Variants in SMAD3 observed in about 807,000 individuals in gnomAD.
SMAD3 encodes the protein MAD homolog 3.
SMAD3 carries 12 observed loss-of-function variants against 51.8 expected under a neutral mutation model. The observed-to-expected ratio is 0.23, with a 90% CI of 0.15 to 0.38. The LOEUF (loss-of-function observed/expected upper bound fraction) is 0.38, where lower values mean the gene tolerates loss of function less well. Among genes scored for constraint, SMAD3 ranks in the 10% least tolerant of loss-of-function variants. The probability of loss-of-function intolerance (pLI) is 1.00; values close to 1 mark genes in which losing one functional copy is unlikely to be tolerated. For missense variants in SMAD3, 294 were observed against 565.6 expected (o/e 0.52, Z 4.87); for synonymous variants, 238 against 227.7 (o/e 1.05, Z -0.41).
intron 1 of SMAD3, among the ~76,000 whole-genome samples, chr15:67,117,776 A>C (rs1784105027): frequency 6.6e-6 from 1 of 152,242 alleles, no homozygotes; most frequent in Non-Finnish European, 1.5e-5. Flanking sequence ...TGTAATGAGA[A>C]TGTACAGAAC....
At chr15:67,144,344 T>C (rs1221326754) in intron 1 of SMAD3, among the ~76,000 whole-genome samples, 1 of 152,204 alleles carries the variant, frequency 6.6e-6, no homozygotes, top group Non-Finnish European at 1.5e-5. Context: ...CTTTTTGTGG[T>C]TGGGTGATAT....
intron 1 of SMAD3, among the ~76,000 whole-genome samples, chr15:67,104,553 A>G (rs985157507): frequency 2.0e-5 from 3 of 152,148 alleles, no homozygotes; most frequent in Middle Eastern, 3.2e-3. Flanking sequence ...TAAGTGATAA[A>G]TATTCGTACT....
At chr15:67,096,292 T>C (rs752679332) in intron 1 of SMAD3, among the ~76,000 whole-genome samples, 4 of 152,208 alleles carry the variant, frequency 2.6e-5, no homozygotes, top group Non-Finnish European at 5.9e-5. Context: ...AAGAGTGAGG[T>C]AGAATGGACA....
At position 67,103,631 on chromosome 15, in the gene SMAD3, G is replaced by C. The variant is rs974010757; in HGVS notation, c.206+37271G>C. On this transcript the variant is annotated intron_variant, in intron 1 of 8. Coordinates refer to ENST00000327367, the MANE Select transcript of SMAD3 (RefSeq NM_005902.4). ...CTCAGCCCAGCTACCCTTTCCAGCT[G>C]TGACTGCTGGTTGTGGAGCTGAATG... Among the ~76,000 whole-genome samples the C allele has an allele frequency of 3.9e-5, 6 of 152,310 alleles. No individual in the cohort carries two copies. The South Asian group carries it at 8.3e-4, about 21-fold the overall frequency.
intron 1 of SMAD3, among the ~76,000 whole-genome samples, chr15:67,086,120 A>G (rs1343918202): frequency 6.6e-6 from 1 of 152,052 alleles, no homozygotes; most frequent in Non-Finnish European, 1.5e-5. Context: ...GTGGAGCTGG[A>G]ATGGATTAAA....
At chr15:67,092,698 C>T (rs1000305630) in intron 1 of SMAD3, among the ~76,000 whole-genome samples, 2 of 152,168 alleles carry the variant, frequency 1.3e-5, no homozygotes, top group African/African-American at 2.4e-5. Flanking sequence ...TGTGGTGTAG[C>T]GGAAAAGGCA....
At chr15:67,098,930 C>G (rs1960684428) in intron 1 of SMAD3, 2 of 702,374 alleles carry the variant, frequency 2.8e-6, no homozygotes, top group Non-Finnish European at 5.2e-6. Context: ...TCAGGCAGCC[C>G]ATGGAGATGG....
intron 1 of SMAD3, among the ~76,000 whole-genome samples, chr15:67,099,765 A>G (rs1006650392): frequency 1.8e-4 from 28 of 152,196 alleles, no homozygotes; most frequent in African/African-American, 6.5e-4. Context: ...CGTGCCCCAT[A>G]CCTTACATAG....
intron 4 of SMAD3, 23 bp downstream of exon 4, chr15:67,166,876 C>G: frequency 1.3e-6 from 2 of 1,558,558 alleles, no homozygotes; most frequent in Middle Eastern, 1.7e-4. Flanking sequence ...GGGTCATGCT[C>G]TTATTCTTAA....
chr15:67,187,797 G>A (rs1029015144), intron 8 of SMAD3, among the ~76,000 whole-genome samples: 5 of 152,204 alleles, frequency 3.3e-5, no homozygotes, highest in Admixed American at 6.5e-5. Flanking sequence ...AGCATCATCC[G>A]TACAGATGAG....
At chr15:67,121,226 A>T (rs7180412) in intron 1 of SMAD3, among the ~76,000 whole-genome samples, 1 of 152,186 alleles carries the variant, frequency 6.6e-6, no homozygotes, top group Non-Finnish European at 1.5e-5. Context: ...CGTGGAGCCC[A>T]GTGGGGATTT....
At chr15:67,094,915 A>G (rs1315169728) in intron 1 of SMAD3, among the ~76,000 whole-genome samples, 3 of 152,208 alleles carry the variant, frequency 2.0e-5, no homozygotes, top group Admixed American at 6.5e-5. Context: ...GTGGATGTGG[A>G]TAAGTCCAGA....
intron 1 of SMAD3, among the ~76,000 whole-genome samples, chr15:67,108,860 A>AG (rs762457632): frequency 6.6e-6 from 1 of 151,682 alleles, no homozygotes; most frequent in Non-Finnish European, 1.5e-5. Context: ...TCATTTGGAA[A>AG]GAAAAAAAAA....
chr15:67,145,811 T>G (rs1424879051), intron 1 of SMAD3, among the ~76,000 whole-genome samples: 2 of 152,152 alleles, frequency 1.3e-5, no homozygotes, highest in Non-Finnish European at 2.9e-5. Context: ...AGTCCCAATT[T>G]CCAGTCTCCT....
chr15:67,068,803 G>T (rs772273805), intron 1 of SMAD3, among the ~76,000 whole-genome samples: 1 of 152,132 alleles, frequency 6.6e-6, no homozygotes, highest in Non-Finnish European at 1.5e-5. Context: ...TAAAGGCCAC[G>T]TCTTGGGGAG....
At chr15:67,155,581 C>T (rs1457365143) in intron 1 of SMAD3, among the ~76,000 whole-genome samples, 1 of 152,152 alleles carries the variant, frequency 6.6e-6, no homozygotes, top group Non-Finnish European at 1.5e-5. Context: ...TCTGCCTTCC[C>T]AGAAGGTCCG....
intron 1 of SMAD3, among the ~76,000 whole-genome samples, chr15:67,145,739 A>C (rs932167903): frequency 1.3e-5 from 2 of 152,114 alleles, no homozygotes; most frequent in Non-Finnish European, 2.9e-5. Context: ...GGGCCCCCGG[A>C]GATGAGGCAC....
intron 1 of SMAD3, among the ~76,000 whole-genome samples, chr15:67,075,326 C>T (rs1960144880): frequency 6.6e-6 from 1 of 152,184 alleles, no homozygotes; most frequent in African/African-American, 2.4e-5. Context: ...TAATTTCTCC[C>T]AGCCCATGGG....
intron 1 of SMAD3, among the ~76,000 whole-genome samples, chr15:67,075,444 G>T (rs74687488): frequency 0.018 from 2,738 of 152,306 alleles, 26 homozygotes; most frequent in Non-Finnish European, 0.026. Flanking sequence ...AGCAGGAGAG[G>T]GGGAGGACAG....
Sources: gnomAD v4.1 joint callset for allele counts (sites outside exome capture counted in the v4.1 genomes callset) on GRCh38, gnomAD v4.1.1 for gene constraint, MANE v1.5 for transcripts, NCBI Gene and HGNC (gene_info 2026-07-23, HGNC 2026-07-21) for gene names.